The following EPHA7 variants were observed in gnomAD, a reference collection of about 807,000 sequenced individuals.
EPHA7 encodes ephrin type-A receptor 7.
EPHA7 carries 25 observed loss-of-function variants against 112.6 expected under a neutral mutation model. The observed-to-expected ratio is 0.22, with a 90% CI of 0.16 to 0.31. The LOEUF (loss-of-function observed/expected upper bound fraction) is 0.31, where lower values mean the gene tolerates loss of function less well. Among genes scored for constraint, EPHA7 ranks in the 10% least tolerant of loss-of-function variants. EPHA7 has a pLI of 1.00. For missense variants in EPHA7, 962 were observed against 1,212.6 expected, an observed-to-expected ratio of 0.79 and a Z score of 3.07; for synonymous variants, 437 against 406.5, an observed-to-expected ratio of 1.07 and a Z score of -0.90.
Position 93,241,630 on chromosome 6 carries a change from A to G in EPHA7, c.*1796T>C, listed in dbSNP as rs926585116. 1 of 222,588 alleles carries G rather than the reference A, an allele frequency of 4.5e-6. No homozygotes were observed. The highest frequency in any genetic ancestry group is 9.0e-6 in the Non-Finnish European group (1 of 111,070). The allele number at this position is 222,588 out of a possible 1,614,324, so 13.8% of individuals were successfully genotyped here. ...ACTGTACAGTGATTTAAAACCAAAAAAAAAGGGTGGGGAGGGGTTTGGGAA... is the reference window on the plus strand; with the variant it reads ...ACTGTACAGTGATTTAAAACCAAAAGAAAAGGGTGGGGAGGGGTTTGGGAA... On this transcript the variant is annotated 3_prime_UTR_variant, in exon 17 of 17. Transcript: ENST00000369303.
At chr6:93,351,388 C>T (rs955863315) in intron 5 of EPHA7, among the ~76,000 whole-genome samples, 11 of 151,938 alleles carry the variant, frequency 7.2e-5, no homozygotes, top group African/African-American at 2.7e-4. Flanking sequence ...AACTCATGCA[C>T]GCTAATCTCC....
At chr6:93,371,324 A>G (rs1252053840) in intron 3 of EPHA7, among the ~76,000 whole-genome samples, 1 of 152,228 alleles carries the variant, frequency 6.6e-6, no homozygotes. Flanking sequence ...ACACAATATA[A>G]CAACTACATG....
At chr6:93,367,483 T>A (rs1228817047) in intron 3 of EPHA7, among the ~76,000 whole-genome samples, 1 of 152,140 alleles carries the variant, frequency 6.6e-6, no homozygotes, top group Non-Finnish European at 1.5e-5. Flanking sequence ...TACATAATTT[T>A]AACACATTTT....
At chr6:93,337,592 G>C (rs769546285) in intron 5 of EPHA7, among the ~76,000 whole-genome samples, 4 of 152,096 alleles carry the variant, frequency 2.6e-5, no homozygotes, top group Admixed American at 6.6e-5. Flanking sequence ...AACATATTCA[G>C]TAGATAATTG....
intron 5 of EPHA7, among the ~76,000 whole-genome samples, chr6:93,279,968 A>G (rs183633225): frequency 2.0e-5 from 3 of 152,260 alleles, no homozygotes; most frequent in East Asian, 3.9e-4. Context: ...TATGATTACT[A>G]TAACATTTTT....
chr6:93,291,975 C>A (rs1311920835), intron 5 of EPHA7, among the ~76,000 whole-genome samples: 2 of 151,588 alleles, frequency 1.3e-5, no homozygotes, highest in Non-Finnish European at 2.9e-5. Context: ...CATTATATTC[C>A]AAAGTTAGAA....
At chr6:93,283,369 G>A (rs1218666807) in intron 5 of EPHA7, among the ~76,000 whole-genome samples, 2 of 152,108 alleles carry the variant, frequency 1.3e-5, no homozygotes, top group Admixed American at 1.3e-4. Flanking sequence ...CCAGATAAGA[G>A]AATAAAAGCA....
intron 2 of EPHA7, among the ~76,000 whole-genome samples, chr6:93,413,613 T>C (rs867235881): frequency 2.0e-5 from 3 of 151,930 alleles, no homozygotes; most frequent in Non-Finnish European, 4.4e-5. Context: ...GGAATTTTTA[T>C]ATTTAATCTG....
In EPHA7 at chr6:93,419,378, C is replaced by T. The variant is rs183930593; in HGVS notation, c.-37G>A. On this transcript the variant is annotated 5_prime_UTR_variant, in exon 1 of 17. Coordinates refer to ENST00000369303, the MANE Select transcript of EPHA7 (RefSeq NM_004440.4). Reference sequence around the variant, plus strand: ...AGGTTTTATTTTAGGTTTCAGTTATCTTGAGTCGTGGATTTTTAAATGCTG... The same window carrying T: ...AGGTTTTATTTTAGGTTTCAGTTATTTTGAGTCGTGGATTTTTAAATGCTG... 4.6e-4 allele frequency: 717 copies of T among 1,547,942 alleles called. 1 individual carries two copies. The highest frequency in any genetic ancestry group is 8.8e-4 in the Admixed American group (52 of 59,098).
At chr6:93,253,924 C>CT (rs34299090) in intron 14 of EPHA7, among the ~76,000 whole-genome samples, 23 of 151,024 alleles carry the variant, frequency 1.5e-4, no homozygotes, top group African/African-American at 3.9e-4. Flanking sequence ...ATAAAAGCAA[C>CT]TTTTTTTTTG....
chr6:93,247,531 G>A (rs1770008318), intron 14 of EPHA7, among the ~76,000 whole-genome samples: 2 of 152,240 alleles, frequency 1.3e-5, no homozygotes, highest in South Asian at 2.1e-4. Context: ...ACAGGAGCGA[G>A]GTTGTACTGG....
rs140647221 is a variant in EPHA7, at chr6:93,303,981, G to A, written c.1325-31559C>T. ...CATGCTGCAAGACATAAATGTCTGAGAAATGAATAGGAGAAAGGTGCTTTT... is the reference window on the plus strand; with the variant it reads ...CATGCTGCAAGACATAAATGTCTGAAAAATGAATAGGAGAAAGGTGCTTTT... On this transcript the variant is annotated intron_variant, in intron 5 of 16. Transcript: ENST00000369303. Among the ~76,000 whole-genome samples the A allele has an allele frequency of 6.6e-5, 10 of 152,128 alleles. No individual in the cohort carries two copies. The East Asian group carries it at 1.9e-3, about 30-fold the overall frequency.
intron 3 of EPHA7, among the ~76,000 whole-genome samples, chr6:93,374,370 A>ATCTG (rs975214044): frequency 6.6e-6 from 1 of 152,158 alleles, no homozygotes; most frequent in African/African-American, 2.4e-5. Flanking sequence ...TCTATCATCT[A>ATCTG]TCTGTCTCAT....
chr6:93,360,471 C>T (rs1283019566), intron 3 of EPHA7, among the ~76,000 whole-genome samples: 2 of 152,020 alleles, frequency 1.3e-5, no homozygotes, highest in African/African-American at 2.4e-5. Flanking sequence ...TTTTTGATGA[C>T]ATTGTGTGTA....
At chr6:93,277,127 T>C (rs2127890386) in intron 5 of EPHA7, among the ~76,000 whole-genome samples, 1 of 152,194 alleles carries the variant, frequency 6.6e-6, no homozygotes, top group East Asian at 1.9e-4. Flanking sequence ...CTTTTCCTAT[T>C]GTACGTTATC....
At chr6:93,374,502 G>A (rs1400597434) in intron 3 of EPHA7, among the ~76,000 whole-genome samples, 1 of 152,132 alleles carries the variant, frequency 6.6e-6, no homozygotes, top group Non-Finnish European at 1.5e-5. Context: ...TTCCTTTTAA[G>A]TGTCATGCCT....
At chr6:93,302,058 T>C (rs1026395697) in intron 5 of EPHA7, among the ~76,000 whole-genome samples, 2 of 152,190 alleles carry the variant, frequency 1.3e-5, no homozygotes, top group Admixed American at 6.5e-5. Context: ...TCTTCCACCC[T>C]TACCGTCACT....
chr6:93,385,829 A>G (rs2127975877), intron 3 of EPHA7, among the ~76,000 whole-genome samples: 1 of 152,294 alleles, frequency 6.6e-6, no homozygotes, highest in South Asian at 2.1e-4. Context: ...TAATTGACTC[A>G]CAGTTCTGCA....
chr6:93,269,545 C>T lies in EPHA7; in HGVS notation c.1565G>A (p.Gly522Asp). ...VFQIRAFTAA[G>D]YGNYSPRLDV... ...AAGTCTGGGACTGTAATTTCCATAA[C>T]CAGCAGCAGTAAAAGCCCGAATCTG... Residue 522 changes from glycine to aspartate, a missense_variant, in exon 7 of 17, where the codon GGT becomes GAT. This residue lies in a region of EPHA7 where 746 missense variants were observed against 889.2 expected (regional missense o/e 0.84). Transcript: ENST00000369303. 1 of 1,611,078 alleles carries T rather than the reference C, an allele frequency of 6.2e-7. No homozygotes were observed. Among genetic ancestry groups the T allele is most frequent in the Non-Finnish European group, 8.5e-7 (1 of 1,178,228 alleles).
Sources: allele counts gnomAD v4.1 joint callset (sites outside exome capture counted in the v4.1 genomes callset), GRCh38; gene constraint gnomAD v4.1.1; regional missense constraint gnomAD v4.1.1; transcripts MANE v1.5; gene names NCBI Gene and HGNC (gene_info 2026-07-23, HGNC 2026-07-21).